UNC13C: variants seen among roughly 807,000 people sequenced by gnomAD.
UNC13C encodes the protein protein unc-13 homolog C.
UNC13C carries 174 observed loss-of-function variants against 245.4 expected under a neutral mutation model. That is an observed-to-expected ratio of 0.71 (90% CI 0.63 to 0.80). The LOEUF (loss-of-function observed/expected upper bound fraction) is 0.80, where lower values mean the gene tolerates loss of function less well. Among genes scored for constraint, UNC13C ranks in the 30% least tolerant of loss-of-function variants. The pLI, the probability that UNC13C is intolerant of heterozygous loss-of-function variation, is 0.00. For synonymous variants in UNC13C, 992 were observed against 895.1 expected, an observed-to-expected ratio of 1.11 and a Z score of -1.93; for missense variants, 2,829 against 2,602.9, an observed-to-expected ratio of 1.09 and a Z score of -1.89.
At chr15:54,398,581 A>G (rs775483235) in intron 18 of UNC13C, among the ~76,000 whole-genome samples, 2 of 151,254 alleles carry the variant, frequency 1.3e-5, no homozygotes, top group Non-Finnish European at 3.0e-5. Flanking sequence ...CCGGGCTTAG[A>G]GTTTTATTGT....
chr15:54,306,485 A>C (rs1208531826), intron 13 of UNC13C, among the ~76,000 whole-genome samples: 1 of 151,924 alleles, frequency 6.6e-6, no homozygotes, highest in Non-Finnish European at 1.5e-5. Context: ...CATCATCAAT[A>C]TTTTGGGAGT....
At chr15:54,357,097 A>G (rs1239897612) in intron 17 of UNC13C, among the ~76,000 whole-genome samples, 1 of 151,950 alleles carries the variant, frequency 6.6e-6, no homozygotes, top group African/African-American at 2.4e-5. Flanking sequence ...TATAGGTTTT[A>G]TGTTATGTTG....
intron 2 of UNC13C, among the ~76,000 whole-genome samples, chr15:54,017,788 C>T (rs528091070): frequency 7.2e-5 from 11 of 152,252 alleles, no homozygotes; most frequent in Admixed American, 2.0e-4. Flanking sequence ...TCTATAGCCA[C>T]CTGGTTAAGA....
intron 2 of UNC13C, among the ~76,000 whole-genome samples, chr15:54,127,279 A>G (rs2031107229): frequency 6.6e-6 from 1 of 152,200 alleles, no homozygotes. Flanking sequence ...AGCACTGTTC[A>G]TGATACCAAA....
At chr15:54,425,625 G>T (rs2040744226) in intron 19 of UNC13C, among the ~76,000 whole-genome samples, 1 of 151,786 alleles carries the variant, frequency 6.6e-6, no homozygotes, top group Admixed American at 6.6e-5. Context: ...TAGATCAGTG[G>T]CCTTCACACT....
At chr15:54,029,008 T>C (rs2141015159) in intron 2 of UNC13C, among the ~76,000 whole-genome samples, 1 of 152,040 alleles carries the variant, frequency 6.6e-6, no homozygotes, top group East Asian at 1.9e-4. Context: ...CTTCTTTTGA[T>C]TTTAAACTAT....
chr15:53,906,000 G>C, the UNC13C span, among the ~76,000 whole-genome samples: 1 of 152,114 alleles, frequency 6.6e-6, no homozygotes, highest in Non-Finnish European at 1.5e-5. Flanking sequence ...GCCAGGATGA[G>C]GTGTTTAAAG....
chr15:54,007,852 G>T (rs935747943), intron 1 of UNC13C, among the ~76,000 whole-genome samples: 8 of 152,146 alleles, frequency 5.3e-5, no homozygotes, highest in Non-Finnish European at 1.2e-4. Context: ...TGAGACAAGC[G>T]TGAGTCCTGA....
At chr15:54,240,089 A>T (rs2074656872) in intron 7 of UNC13C, among the ~76,000 whole-genome samples, 1 of 152,176 alleles carries the variant, frequency 6.6e-6, no homozygotes, top group Non-Finnish European at 1.5e-5. Flanking sequence ...TTTAAGGTTA[A>T]ATTAGCTATT....
In UNC13C at chr15:53,985,429, A is replaced by G. The variant is rs568954877; in HGVS notation, c.-257+6502A>G. Among the ~76,000 whole-genome samples, 3 of 151,692 alleles carry G rather than the reference A, an allele frequency of 2.0e-5. No individual in the cohort carries two copies. The East Asian group carries it at 5.9e-4, about 30-fold the overall frequency. On this transcript the variant is annotated intron_variant, in intron 1 of 32. Coordinates refer to ENST00000260323, the MANE Select transcript of UNC13C (RefSeq NM_001080534.3). ...GTGTGCAGGTTTGTTACATATGTAT[A>G]CATGTGCTACTATGTATACATGTAT...
chr15:54,005,420 C>T (rs1264613847), intron 1 of UNC13C, among the ~76,000 whole-genome samples: 1 of 152,116 alleles, frequency 6.6e-6, no homozygotes, highest in Non-Finnish European at 1.5e-5. Flanking sequence ...AGCTATGTGG[C>T]TTTGGACTAG....
intron 4 of UNC13C, among the ~76,000 whole-genome samples, chr15:54,165,592 A>G (rs926283240): frequency 1.1e-4 from 16 of 152,254 alleles, no homozygotes; most frequent in Non-Finnish European, 1.9e-4. Context: ...TCATCTTTAT[A>G]TACTATAGTA....
chr15:53,925,937 A>G, the UNC13C span, among the ~76,000 whole-genome samples: 38 of 152,316 alleles, frequency 2.5e-4, no homozygotes, highest in South Asian at 7.7e-3. Flanking sequence ...TCTGACTCCA[A>G]GAACTTTGTT....
intron 8 of UNC13C, among the ~76,000 whole-genome samples, chr15:54,262,694 T>C (rs953648508): frequency 6.6e-6 from 1 of 152,222 alleles, no homozygotes; most frequent in Non-Finnish European, 1.5e-5. Context: ...TCCTTTTTTT[T>C]AAATGTCGTT....
chr15:53,993,477 G>T (rs546034797), intron 1 of UNC13C, among the ~76,000 whole-genome samples: 1 of 152,060 alleles, frequency 6.6e-6, no homozygotes, highest in Non-Finnish European at 1.5e-5. Context: ...AGTCCTGAAG[G>T]GGGTATCTGT....
intron 28 of UNC13C, among the ~76,000 whole-genome samples, chr15:54,552,639 A>G (rs1173437551): frequency 2.7e-5 from 2 of 75,398 alleles, no homozygotes; most frequent in African/African-American, 6.4e-5. Flanking sequence ...TGTACAATAT[A>G]ATATAATTAT....
At chr15:54,324,197 A>T (rs2038235880) in intron 14 of UNC13C, among the ~76,000 whole-genome samples, 1 of 152,022 alleles carries the variant, frequency 6.6e-6, no homozygotes, top group Non-Finnish European at 1.5e-5. Context: ...TGATGAGTCA[A>T]ATATACCTAA....
chr15:54,034,997 T>A (rs1437495697), intron 2 of UNC13C, among the ~76,000 whole-genome samples: 1 of 152,206 alleles, frequency 6.6e-6, no homozygotes, highest in Non-Finnish European at 1.5e-5. Context: ...TCCCAGAAGA[T>A]ATAAACTAGT....
At chr15:54,222,986 G>C (rs1286526324) in intron 4 of UNC13C, among the ~76,000 whole-genome samples, 1 of 151,966 alleles carries the variant, frequency 6.6e-6, no homozygotes, top group East Asian at 2.0e-4. Context: ...TGTGTATTCT[G>C]GTTATTAATC....
Sources: gnomAD v4.1 joint callset for allele counts (sites outside exome capture counted in the v4.1 genomes callset) on GRCh38, gnomAD v4.1.1 for gene constraint, MANE v1.5 for transcripts, NCBI Gene and HGNC (gene_info 2026-07-23, HGNC 2026-07-21) for gene names.